Variants in PAAF1 observed in about 807,000 individuals in gnomAD.
The protein encoded by PAAF1 is proteasomal ATPase associated factor 1.
In PAAF1, 46 loss-of-function variants were observed where a neutral mutation model predicts 52.8. The ratio of observed to expected loss-of-function variants is 0.87; its 90% CI spans 0.69 to 1.11. The LOEUF is 1.11. Among genes scored for constraint, PAAF1 ranks in the 50% most tolerant of loss-of-function variants. The pLI is 0.00. For synonymous variants in PAAF1, 178 were observed against 172.8 expected (o/e 1.03, Z -0.24); for missense variants, 424 against 477.4 (o/e 0.89, Z 1.04).
At chr11:73,882,772 T>G (rs759157546) in intron 2 of PAAF1, among the ~76,000 whole-genome samples, 32 of 152,068 alleles carry the variant, frequency 2.1e-4, no homozygotes, top group Non-Finnish European at 4.1e-4. Flanking sequence ...CCAGCTAATT[T>G]TTTTGTATTT....
intron 7 of PAAF1, among the ~76,000 whole-genome samples, chr11:73,913,206 G>A (rs1267078701): frequency 6.6e-6 from 1 of 152,102 alleles, no homozygotes; most frequent in East Asian, 1.9e-4. Flanking sequence ...CCTTGGTCTG[G>A]AATATACTCC....
chr11:73,899,617 G>A (rs913452868), intron 5 of PAAF1, among the ~76,000 whole-genome samples: 4 of 151,986 alleles, frequency 2.6e-5, no homozygotes, highest in Non-Finnish European at 2.9e-5. Context: ...TCGCCATGTC[G>A]GCCAGGCTGG....
At chr11:73,915,567 C>T (rs116922447) in intron 8 of PAAF1, among the ~76,000 whole-genome samples, 42 of 152,302 alleles carry the variant, frequency 2.8e-4, no homozygotes, top group Non-Finnish European at 5.6e-4. Flanking sequence ...AAGATTGCGC[C>T]ACTGTACTCC....
intron 4 of PAAF1, among the ~76,000 whole-genome samples, chr11:73,893,717 A>C (rs1309183984): frequency 1.4e-5 from 2 of 147,060 alleles, no homozygotes; most frequent in East Asian, 4.0e-4. Flanking sequence ...AGCCTGGGAG[A>C]CAAAAGTGAA....
intron 6 of PAAF1, among the ~76,000 whole-genome samples, chr11:73,903,117 T>G (rs757171095): frequency 3.9e-5 from 6 of 152,206 alleles, no homozygotes; most frequent in Non-Finnish European, 5.9e-5. Flanking sequence ...AGCCCTGACT[T>G]TTTTCTTGAG....
At chr11:73,876,938 C>T, upstream of PAAF1, 30 of 1,358,798 alleles carry the variant, frequency 2.2e-5, no homozygotes, top group Non-Finnish European at 2.8e-5. Context: ...GGTGTTGAGC[C>T]CACCTCTGTC....
intron 2 of PAAF1, among the ~76,000 whole-genome samples, chr11:73,882,516 C>T (rs531883236): frequency 4.0e-5 from 6 of 149,600 alleles, no homozygotes; most frequent in South Asian, 2.1e-4. Context: ...GTGCGATCTC[C>T]GCTCACTGCA....
At chr11:73,921,374 C>T (rs555916128) in intron 10 of PAAF1, among the ~76,000 whole-genome samples, 36 of 148,912 alleles carry the variant, frequency 2.4e-4, no homozygotes, top group African/African-American at 8.9e-4. Context: ...AGAGCTGACT[C>T]ATGGTTCTAC....
chr11:73,922,833 A>T (rs1010843434), intron 10 of PAAF1, among the ~76,000 whole-genome samples: 6 of 151,508 alleles, frequency 4.0e-5, no homozygotes, highest in Non-Finnish European at 8.8e-5. Context: ...AAAAAAAAAA[A>T]AAGAAGTTGG....
intron 3 of PAAF1, chr11:73,889,165 T>C: frequency 6.5e-7 from 1 of 1,527,666 alleles, no homozygotes; most frequent in Non-Finnish European, 8.8e-7. Context: ...CTTCCCTTCA[T>C]ACTCAGACCT....
Position 73,877,083 on chromosome 11 carries a change from A to G in PAAF1, c.47+15A>G, listed in dbSNP as rs920722367. On this transcript the variant is annotated intron_variant, in intron 1 of 11. Transcript: ENST00000310571. ...CAAGCCCTCAGGTGAATCCAGGCCCAGAACAGAGTCAGAGGAGGCGGGTAG... is the reference window on the plus strand; with the variant it reads ...CAAGCCCTCAGGTGAATCCAGGCCCGGAACAGAGTCAGAGGAGGCGGGTAG... 19 of 1,525,106 alleles carry G rather than the reference A, an allele frequency of 1.2e-5. No individual in the cohort carries two copies. The African/African-American group carries it at 1.4e-4, about 11-fold the overall frequency. 94.5% of individuals were successfully genotyped at this position (1,525,106 alleles called of 1,614,324 possible).
At chr11:73,908,628 C>A (rs189410588) in intron 6 of PAAF1, among the ~76,000 whole-genome samples, 1 of 151,676 alleles carries the variant, frequency 6.6e-6, no homozygotes, top group Non-Finnish European at 1.5e-5. Context: ...TAAACTCCTG[C>A]GCTCAAGAGA....
chr11:73,916,588 TTC>T lies in PAAF1; in HGVS notation c.869_870del (p.Ser290TrpfsTer48), dbSNP rs772531653. 1 of 1,614,060 alleles carries T rather than the reference TTC, an allele frequency of 6.2e-7. No homozygotes were observed. The highest frequency in any genetic ancestry group is 1.3e-5 in the African/African-American group (1 of 75,042). Reference sequence around the variant, plus strand: ...TCAGACGCTTTCAACTGCTGTACTTTTCTCTCTGGCTTCTTGCTATTGGCTGG... The same window carrying T: ...TCAGACGCTTTCAACTGCTGTACTTTTCTCTGGCTTCTTGCTATTGGCTGG... On this transcript the variant is annotated frameshift_variant, in exon 9 of 12. Coordinates refer to ENST00000310571, the MANE Select transcript of PAAF1 (RefSeq NM_025155.3). LOFTEE classifies it high-confidence loss of function.
chr11:73,880,438 C>T (rs1948861075), intron 2 of PAAF1: 1 of 149,938 alleles, frequency 6.7e-6, no homozygotes, highest in African/African-American at 2.5e-5. Context: ...AGGATTGTGC[C>T]ACTGTACTTC....
At chr11:73,880,606 G>C (rs910065425) in intron 2 of PAAF1, 2 of 136,504 alleles carry the variant, frequency 1.5e-5, no homozygotes, top group African/African-American at 5.4e-5. Flanking sequence ...AGAATGGAGT[G>C]AACCCGGGAG....
chr11:73,925,167 A>C (rs1950319692), intron 11 of PAAF1, among the ~76,000 whole-genome samples: 1 of 151,122 alleles, frequency 6.6e-6, no homozygotes, highest in African/African-American at 2.4e-5. Flanking sequence ...AAAAAAAAAA[A>C]AAAAAAAACA....
At chr11:73,907,534 C>A (rs146026715) in intron 6 of PAAF1, among the ~76,000 whole-genome samples, 4 of 152,268 alleles carry the variant, frequency 2.6e-5, no homozygotes, top group African/African-American at 9.6e-5. Context: ...CTGACTGACA[C>A]CTGGGAAGGG....
chr11:73,917,161 C>T (rs1168000031), intron 9 of PAAF1, among the ~76,000 whole-genome samples: 1 of 152,118 alleles, frequency 6.6e-6, no homozygotes, highest in Non-Finnish European at 1.5e-5. Flanking sequence ...GCTGGGATTA[C>T]AGGTGCGCGC....
chr11:73,918,920 A>G, intron 9 of PAAF1, 30 bp from the exon 10 acceptor site: 1 of 1,575,874 alleles, frequency 6.3e-7, no homozygotes, highest in East Asian at 2.2e-5. Flanking sequence ...GAAGAAAGAA[A>G]GTAAAATTTC....
Sources: allele counts gnomAD v4.1 joint callset (sites outside exome capture counted in the v4.1 genomes callset), GRCh38; gene constraint gnomAD v4.1.1; transcripts MANE v1.5; gene names NCBI Gene and HGNC (gene_info 2026-07-23, HGNC 2026-07-21).